ADGRV1: variants seen among roughly 807,000 people sequenced by gnomAD.
ADGRV1 encodes adhesion G protein-coupled receptor V1.
In ADGRV1, 359 loss-of-function variants were observed where a neutral mutation model predicts 596.2. The observed-to-expected ratio is 0.60, with a 90% CI of 0.55 to 0.66. The LOEUF is 0.66. Among genes scored for constraint, ADGRV1 ranks in the 30% least tolerant of loss-of-function variants. The pLI, the probability that ADGRV1 is intolerant of heterozygous loss-of-function variation, is 0.00. For missense variants in ADGRV1, 7,274 were observed against 7,575.6 expected, an observed-to-expected ratio of 0.96 and a Z score of 1.48; for synonymous variants, 2,681 against 2,679.2, an observed-to-expected ratio of 1.00 and a Z score of -0.02.
At chr5:90,819,490 T>C (rs370082037) in intron 75 of ADGRV1, among the ~76,000 whole-genome samples, 4 of 150,322 alleles carry the variant, frequency 2.7e-5, no homozygotes, top group South Asian at 2.1e-4. Context: ...CTTTTCTAGT[T>C]CTTTTAATTG....
intron 7 of ADGRV1, 33 bp from the exon 8 acceptor site, chr5:90,628,529 G>T (rs1488469535): frequency 1.9e-6 from 3 of 1,580,560 alleles, no homozygotes; most frequent in Non-Finnish European, 2.6e-6. Flanking sequence ...AGTGTACTAT[G>T]TGACAATATG....
intron 85 of ADGRV1, among the ~76,000 whole-genome samples, chr5:91,069,559 A>C (rs149096991): frequency 8.5e-5 from 13 of 152,342 alleles, no homozygotes; most frequent in African/African-American, 3.1e-4. Flanking sequence ...CCACAATGAA[A>C]CACCATTTCA....
intron 21 of ADGRV1, among the ~76,000 whole-genome samples, chr5:90,669,482 T>C (rs1170353118): frequency 6.6e-6 from 1 of 152,088 alleles, no homozygotes; most frequent in East Asian, 1.9e-4. Flanking sequence ...TTAAAAAAAA[T>C]AGAGACCTGA....
At chr5:91,053,376 T>A (rs1304183352) in intron 85 of ADGRV1, among the ~76,000 whole-genome samples, 1 of 152,184 alleles carries the variant, frequency 6.6e-6, no homozygotes, top group South Asian at 2.1e-4. Context: ...TTAATTGTGG[T>A]CCCTACCCCT....
intron 85 of ADGRV1, among the ~76,000 whole-genome samples, chr5:91,042,168 A>G (rs1257791426): frequency 6.6e-6 from 1 of 152,224 alleles, no homozygotes; most frequent in Non-Finnish European, 1.5e-5. Flanking sequence ...CTCTGAAATC[A>G]GTAGAGTAGT....
intron 53 of ADGRV1, among the ~76,000 whole-genome samples, chr5:90,750,945 C>T (rs780771083): frequency 4.6e-5 from 7 of 152,098 alleles, no homozygotes; most frequent in Non-Finnish European, 7.4e-5. Context: ...TCAGTACATT[C>T]GTTGGCCACA....
chr5:90,791,702 T>G (rs957876033), intron 70 of ADGRV1: 2 of 183,658 alleles, frequency 1.1e-5, no homozygotes, highest in African/African-American at 2.4e-5. Context: ...TTTATAGGCT[T>G]CTTTGTGCTT....
Position 91,104,855 on chromosome 5 carries a change from C to G in ADGRV1, c.18432+2515C>G, listed in dbSNP as rs200655291. The stretch of plus-strand genomic sequence containing the variant: ...ACCAACCTTTTCTTTTCTTTCTTTT[C>G]TTTTCTTTTTTTTTTTTTTTTTGAG... On this transcript the variant is annotated intron_variant, in intron 87 of 89. Transcript: ENST00000405460. Among the ~76,000 whole-genome samples, 16 of 113,946 alleles carry G rather than the reference C, an allele frequency of 1.4e-4. No homozygotes were observed. In the East Asian group the frequency reaches 1.9e-3, roughly 13 times the overall value. 74.8% of individuals were successfully genotyped at this position (113,946 alleles called of 152,430 possible). A position where few individuals can be genotyped will look rare whatever the true frequency, so the allele number is the denominator to read the frequency against.
chr5:90,925,244 T>C (rs1774312397), intron 83 of ADGRV1, among the ~76,000 whole-genome samples: 1 of 151,836 alleles, frequency 6.6e-6, no homozygotes, highest in African/African-American at 2.4e-5. Context: ...TTCACGATAT[T>C]GATTCTTCCT....
chr5:90,905,640 T>C (rs889935677), intron 83 of ADGRV1, among the ~76,000 whole-genome samples: 2 of 152,136 alleles, frequency 1.3e-5, no homozygotes, highest in African/African-American at 4.8e-5. Context: ...ATGGAGTCTC[T>C]AGGTTTTTCC....
chr5:90,776,410 ATGT>A, intron 60 of ADGRV1, 40 bp from the exon 61 acceptor site: 3 of 1,572,114 alleles, frequency 1.9e-6, no homozygotes, highest in Middle Eastern at 1.7e-4. Flanking sequence ...CTAAGTGCTT[ATGT>A]GCACCTGCTA....
Position 90,623,425 on chromosome 5 carries a change from T to TA in ADGRV1, c.558+724_558+725insA, listed in dbSNP as rs1306887436. On this transcript the variant is annotated intron_variant, in intron 5 of 89. Coordinates refer to ENST00000405460, the MANE Select transcript of ADGRV1 (RefSeq NM_032119.4). The stretch of plus-strand genomic sequence containing the variant: ...TTCTCTATTTTATTTTATTTTATTT[T>TA]TTTTGAGACAGGATCTTACTCTGAT... 1.1e-3 allele frequency among the ~76,000 whole-genome samples: 173 copies of TA among 152,230 alleles called. 1 individual carries two copies. The highest frequency in any genetic ancestry group is 1.5e-3 in the African/African-American group (62 of 41,534).
At chr5:90,882,030 C>T (rs969834618) in intron 83 of ADGRV1, among the ~76,000 whole-genome samples, 3 of 152,082 alleles carry the variant, frequency 2.0e-5, no homozygotes, top group Non-Finnish European at 2.9e-5. Flanking sequence ...CTTTTGAAAA[C>T]AAACCAACAT....
At chr5:90,764,408 G>GTT (rs796602977) in intron 59 of ADGRV1, among the ~76,000 whole-genome samples, 5 of 152,280 alleles carry the variant, frequency 3.3e-5, no homozygotes, top group African/African-American at 1.2e-4. Flanking sequence ...TTTCAGCAGG[G>GTT]ATTGAGCCAC....
At chr5:91,052,610 T>C (rs1483791065) in intron 85 of ADGRV1, among the ~76,000 whole-genome samples, 3 of 151,892 alleles carry the variant, frequency 2.0e-5, no homozygotes, top group African/African-American at 7.3e-5. Flanking sequence ...AATTTTTGGA[T>C]TTTTAGTAGA....
At chr5:90,596,676 G>A (rs1337445688) in intron 1 of ADGRV1, among the ~76,000 whole-genome samples, 1 of 152,180 alleles carries the variant, frequency 6.6e-6, no homozygotes, top group Admixed American at 6.5e-5. Context: ...TGCAATTGCA[G>A]GCACTCCGCA....
At chr5:90,653,974 A>G in intron 20 of ADGRV1, 22 bp downstream of exon 20, 5 of 1,551,332 alleles carry the variant, frequency 3.2e-6, no homozygotes, top group South Asian at 1.2e-5. Context: ...CATCACAACT[A>G]GGACACTGAA....
intron 38 of ADGRV1, 47 bp downstream of exon 38, chr5:90,706,441 A>G: frequency 2.1e-6 from 3 of 1,453,266 alleles, no homozygotes; most frequent in Non-Finnish European, 1.8e-6. Flanking sequence ...TAGTTTAATA[A>G]GTTTTTTTTA....
intron 50 of ADGRV1, among the ~76,000 whole-genome samples, chr5:90,741,451 C>T (rs1160792654): frequency 2.0e-5 from 3 of 152,044 alleles, no homozygotes; most frequent in Non-Finnish European, 2.9e-5. Flanking sequence ...GTCTACCTGT[C>T]CTTTAATTTT....
Sources: gnomAD v4.1 joint callset for allele counts (sites outside exome capture counted in the v4.1 genomes callset) on GRCh38, gnomAD v4.1.1 for gene constraint, MANE v1.5 for transcripts, NCBI Gene and HGNC (gene_info 2026-07-23, HGNC 2026-07-21) for gene names.